Variants in PIGK observed in about 807,000 individuals in gnomAD.
PIGK encodes phosphatidylinositol glycan anchor biosynthesis class K.
A neutral mutation model predicts 50.6 loss-of-function variants in PIGK; 42 were observed. The ratio of observed to expected loss-of-function variants is 0.83; its 90% CI spans 0.65 to 1.07. PIGK has a LOEUF of 1.07. Ranked by LOEUF, PIGK falls within the 50% of genes least tolerant of loss-of-function variation. The pLI is 0.00. For missense variants in PIGK, 448 were observed against 488.7 expected, an observed-to-expected ratio of 0.92 and a Z score of 0.78; for synonymous variants, 151 against 156.0, an observed-to-expected ratio of 0.97 and a Z score of 0.24.
intron 10 of PIGK, among the ~76,000 whole-genome samples, chr1:77,101,959 G>A (rs1466976644): frequency 6.6e-6 from 1 of 152,158 alleles, no homozygotes. Context: ...AGCTGAGATG[G>A]TGCCACTGCA....
chr1:77,122,637 T>A (rs1654127830), intron 9 of PIGK, among the ~76,000 whole-genome samples: 1 of 152,228 alleles, frequency 6.6e-6, no homozygotes, highest in Admixed American at 6.5e-5. Context: ...TTCAGAATTC[T>A]CTGTCCAAAA....
chr1:77,117,839 T>C (rs1464390680), intron 10 of PIGK, among the ~76,000 whole-genome samples: 1 of 152,196 alleles, frequency 6.6e-6, no homozygotes, highest in African/African-American at 2.4e-5. Context: ...CATAAAAATA[T>C]GTCTTCAACC....
intron 10 of PIGK, among the ~76,000 whole-genome samples, chr1:77,098,746 T>A (rs1399212177): frequency 6.6e-6 from 1 of 152,064 alleles, no homozygotes; most frequent in Non-Finnish European, 1.5e-5. Context: ...GGGGATAAAT[T>A]CAATACATGA....
At chr1:77,116,617 T>C (rs1653979853) in intron 10 of PIGK, among the ~76,000 whole-genome samples, 1 of 150,694 alleles carries the variant, frequency 6.6e-6, no homozygotes, top group Non-Finnish European at 1.5e-5. Context: ...TGTGTGTGTA[T>C]GCTTGCTTAA....
intron 9 of PIGK, among the ~76,000 whole-genome samples, chr1:77,153,150 T>A (rs1479846213): frequency 6.6e-6 from 1 of 152,070 alleles, no homozygotes; most frequent in African/African-American, 2.4e-5. Flanking sequence ...GGAAAATGTA[T>A]ATATACACAA....
Position 77,093,943 on chromosome 1 carries a change from T to C in PIGK, c.1072-1453A>G, listed in dbSNP as rs866330955. On this transcript the variant is annotated intron_variant, in intron 10 of 10. Transcript: ENST00000370812. The stretch of plus-strand genomic sequence containing the variant: ...ATACTGTGACAAATCTTAATTCAAT[T>C]CCAGTAGAAAATCTAGAATAATTAA... Among the ~76,000 whole-genome samples, 5 of 152,096 alleles carry C rather than the reference T, an allele frequency of 3.3e-5. No individual in the cohort carries two copies. The Middle Eastern group carries it at 0.01, about 310-fold the overall frequency.
At chr1:77,190,176 C>T (rs1469101383) in intron 3 of PIGK, among the ~76,000 whole-genome samples, 2 of 151,788 alleles carry the variant, frequency 1.3e-5, no homozygotes, top group African/African-American at 4.8e-5. Flanking sequence ...TCGTTTGAGG[C>T]CAGGAGTTCA....
At chr1:77,098,624 C>T (rs966626570) in intron 10 of PIGK, among the ~76,000 whole-genome samples, 4 of 152,136 alleles carry the variant, frequency 2.6e-5, no homozygotes, top group Non-Finnish European at 4.4e-5. Context: ...CCAGGGTGAA[C>T]TACCACGCCT....
At chr1:77,170,923 G>C (rs745473469) in intron 3 of PIGK, among the ~76,000 whole-genome samples, 6 of 152,174 alleles carry the variant, frequency 3.9e-5, no homozygotes, top group Non-Finnish European at 8.8e-5. Flanking sequence ...AAATTGGCTA[G>C]ATTTCTACTT....
chr1:77,158,365 T>G (rs1655061083), intron 8 of PIGK, among the ~76,000 whole-genome samples: 1 of 152,070 alleles, frequency 6.6e-6, no homozygotes, highest in Non-Finnish European at 1.5e-5. Context: ...CAGGTATTTC[T>G]TCATAGCAGT....
In PIGK at chr1:77,219,394, G is replaced by A. The variant is rs1308694813; in HGVS notation, c.9C>T (p.Val3=). The change falls in exon 1 of 11, where the codon GTC becomes GTT. Residue 3 remains valine (V), a synonymous_variant. Transcript: ENST00000370812. MA[V]TDSLSRAATV... The stretch of plus-strand genomic sequence containing the variant: ...TCGCAGCCCGGCTGAGGCTGTCGGT[G>A]ACGGCCATGTTTACCGGCTTCAGAC... 5.0e-6 allele frequency: 8 copies of A among 1,613,332 alleles called. No individual in the cohort carries two copies. Among genetic ancestry groups the A allele is most frequent in the Non-Finnish European group, 6.8e-6 (8 of 1,179,670 alleles).
At chr1:77,132,022 A>G (rs1654383545) in intron 9 of PIGK, among the ~76,000 whole-genome samples, 1 of 152,016 alleles carries the variant, frequency 6.6e-6, no homozygotes, top group African/African-American at 2.4e-5. Flanking sequence ...GAAAGGGTAC[A>G]TGTTTTATAC....
chr1:77,174,697 G>A (rs559611748), intron 3 of PIGK, among the ~76,000 whole-genome samples: 1 of 152,108 alleles, frequency 6.6e-6, no homozygotes, highest in Admixed American at 6.5e-5. Flanking sequence ...TGGGAGCTTG[G>A]CTGATTCCCC....
intron 5 of PIGK, among the ~76,000 whole-genome samples, chr1:77,165,065 C>A (rs1003822631): frequency 6.6e-6 from 1 of 152,046 alleles, no homozygotes; most frequent in Non-Finnish European, 1.5e-5. Context: ...CTGTGTAAAC[C>A]AAATGGATGC....
chr1:77,154,209 A>G (rs1654955782), intron 9 of PIGK: 3 of 522,508 alleles, frequency 5.7e-6, no homozygotes, highest in South Asian at 6.5e-5. Flanking sequence ...AAACTGAACC[A>G]CTAGCAAGAT....
At chr1:77,097,905 C>A (rs1263273721) in intron 10 of PIGK, among the ~76,000 whole-genome samples, 3 of 151,914 alleles carry the variant, frequency 2.0e-5, no homozygotes, top group African/African-American at 7.3e-5. Context: ...ATACCCATAA[C>A]ATGAGATGTA....
intron 9 of PIGK, among the ~76,000 whole-genome samples, chr1:77,140,709 A>G (rs375768193): frequency 2.7e-4 from 41 of 152,294 alleles, no homozygotes; most frequent in African/African-American, 9.6e-4. Flanking sequence ...AACAAAAAAA[A>G]CCACTACATT....
intron 9 of PIGK, among the ~76,000 whole-genome samples, chr1:77,137,168 T>C (rs1450057048): frequency 6.6e-6 from 1 of 152,124 alleles, no homozygotes; most frequent in Non-Finnish European, 1.5e-5. Flanking sequence ...GATAACCTCC[T>C]GGAGGATAAA....
Position 77,092,123 on chromosome 1 carries a change from T to C in PIGK, c.*251A>G, listed in dbSNP as rs2100504355. 1 of 216,366 alleles carries C rather than the reference T, an allele frequency of 4.6e-6. No individual in the cohort carries two copies. Among genetic ancestry groups the C allele is most frequent in the Admixed American group, 5.9e-5 (1 of 17,024 alleles). 13.4% of individuals were successfully genotyped at this position (216,366 alleles called of 1,614,324 possible). A position where few individuals can be genotyped will look rare whatever the true frequency, so the allele number is the denominator to read the frequency against. ...AATTACTATTTTCAAAAACAGTCAA[T>C]GTATTCTGATCTCTGTCTCATTCGC... On this transcript the variant is annotated 3_prime_UTR_variant, in exon 11 of 11. Coordinates refer to ENST00000370812, the MANE Select transcript of PIGK (RefSeq NM_005482.3).
Sources: gnomAD v4.1 joint callset for allele counts (sites outside exome capture counted in the v4.1 genomes callset) on GRCh38, gnomAD v4.1.1 for gene constraint, MANE v1.5 for transcripts, NCBI Gene and HGNC (gene_info 2026-07-23, HGNC 2026-07-21) for gene names.